Variants in TAB2 observed in about 807,000 individuals in gnomAD.
TAB2 encodes the protein TGF-beta-activated kinase 1 and MAP3K7-binding protein 2.
In TAB2, 3 loss-of-function variants were observed where a neutral mutation model predicts 65.0. That is an observed-to-expected ratio of 0.05 (90% CI 0.02 to 0.12). The LOEUF is 0.12. TAB2 is among the 10% of genes least tolerant of loss of function. The pLI is 1.00. For missense variants in TAB2, 623 were observed against 840.3 expected (o/e 0.74, Z 3.20); for synonymous variants, 298 against 285.1 (o/e 1.05, Z -0.46).
At chr6:149,288,789 A>G (rs1361389534) in intron 1 of TAB2, among the ~76,000 whole-genome samples, 1 of 151,928 alleles carries the variant, frequency 6.6e-6, no homozygotes, top group Non-Finnish European at 1.5e-5. Flanking sequence ...TTTTAAGGCA[A>G]TGGGTTCCCT....
In TAB2 at chr6:149,369,589, A is replaced by C. The variant is rs565825; in HGVS notation, c.-89-320A>C. 0.12 allele frequency among the ~76,000 whole-genome samples: 18,543 copies of C among 152,258 alleles called. 1,737 individuals carry two copies. Among genetic ancestry groups the C allele is most frequent in the East Asian group, 0.51 (2,655 of 5,182 alleles). On this transcript the variant is annotated intron_variant, in intron 1 of 6. Coordinates refer to ENST00000637181, the MANE Select transcript of TAB2 (RefSeq NM_001292034.3). ...CCTTGGGATAATCATTAAGAAAAAA[A>C]TCAGTGATACTATTTCTTCTCCCTT...
At chr6:149,232,470 G>A (rs533962247) in intron 1 of TAB2, among the ~76,000 whole-genome samples, 2 of 152,196 alleles carry the variant, frequency 1.3e-5, no homozygotes, top group East Asian at 1.9e-4. Context: ...CAAGTGTTCC[G>A]CCTGCCTCGG....
rs576762437 is a variant in TAB2, at chr6:149,354,152, G to A, written c.-89-15757G>A. Reference sequence around the variant, plus strand: ...GGTCCCAGCTTCTGCTATCCAAAGTGTAATCATGCCCTTTGAACACAAACA... The same window carrying A: ...GGTCCCAGCTTCTGCTATCCAAAGTATAATCATGCCCTTTGAACACAAACA... On this transcript the variant is annotated intron_variant, in intron 1 of 6. Transcript: ENST00000637181. Among the ~76,000 whole-genome samples the A allele has an allele frequency of 1.8e-4, 28 of 152,268 alleles. 1 individual carries two copies. In the South Asian group the frequency reaches 5.6e-3, roughly 30 times the overall value.
chr6:149,320,497 C>T (rs959181763), intron 1 of TAB2, among the ~76,000 whole-genome samples: 1 of 119,490 alleles, frequency 8.4e-6, no homozygotes, highest in Non-Finnish European at 2.0e-5. Flanking sequence ...ATTCTACATC[C>T]GTAATTTTCC....
chr6:149,380,006 A>G (rs976711736), intron 3 of TAB2: 7 of 448,018 alleles, frequency 1.6e-5, no homozygotes, highest in Middle Eastern at 4.0e-4. Context: ...TTGGGAGGCC[A>G]AGATGGGAGG....
intron 6 of TAB2, among the ~76,000 whole-genome samples, chr6:149,406,688 C>CT (rs1782675544): frequency 6.6e-6 from 1 of 152,058 alleles, no homozygotes; most frequent in Non-Finnish European, 1.5e-5. Context: ...TTTTTGTACT[C>CT]TACTTCATTT....
At chr6:149,236,733 A>G (rs1777502685) in intron 1 of TAB2, among the ~76,000 whole-genome samples, 2 of 152,328 alleles carry the variant, frequency 1.3e-5, no homozygotes, top group South Asian at 4.1e-4. Flanking sequence ...GCAATGCTGC[A>G]TATGTTGGCT....
At chr6:149,284,612 A>T (rs180814242) in intron 1 of TAB2, among the ~76,000 whole-genome samples, 53 of 150,966 alleles carry the variant, frequency 3.5e-4, no homozygotes, top group African/African-American at 1.2e-3. Context: ...TTTCACTCTG[A>T]GTAAATTCAT....
At chr6:149,240,590 A>G (rs758421989) in intron 1 of TAB2, among the ~76,000 whole-genome samples, 1 of 152,198 alleles carries the variant, frequency 6.6e-6, no homozygotes, top group Non-Finnish European at 1.5e-5. Context: ...GATAGTGATA[A>G]CATCTTAGGC....
rs551619422 is a variant in TAB2, at chr6:149,307,132, A to AT, written c.-120-70886_-120-70885insT. On this transcript the variant is annotated intron_variant, in intron 1 of 1. Transcript: ENST00000606202. Reference sequence around the variant, plus strand: ...CTGTTCATGGATGGGTAGTGTTGTGAGTCATAGAACAATTCCGTTGCAAAT... The same window carrying AT: ...CTGTTCATGGATGGGTAGTGTTGTGATGTCATAGAACAATTCCGTTGCAAAT... Among the ~76,000 whole-genome samples, 71 of 152,236 alleles carry AT rather than the reference A, an allele frequency of 4.7e-4. No homozygotes were observed. In the South Asian group the frequency reaches 0.013, roughly 28 times the overall value.
chr6:149,355,178 A>G (rs933954330), intron 1 of TAB2, among the ~76,000 whole-genome samples: 3 of 152,148 alleles, frequency 2.0e-5, no homozygotes, highest in Admixed American at 2.0e-4. Context: ...AATTTTCCCC[A>G]GTGAAAATTA....
chr6:149,383,427 A>G (rs570161075), intron 3 of TAB2, among the ~76,000 whole-genome samples: 5 of 152,314 alleles, frequency 3.3e-5, no homozygotes, highest in African/African-American at 9.6e-5. Context: ...ACATACCTAC[A>G]TACATACAGA....
intron 6 of TAB2, among the ~76,000 whole-genome samples, chr6:149,404,744 C>T (rs1782605927): frequency 6.6e-6 from 1 of 152,104 alleles, no homozygotes; most frequent in Admixed American, 6.5e-5. Context: ...CATTACTTCA[C>T]ACTGTATACA....
At chr6:149,312,656 C>T (rs1251177972) in intron 1 of TAB2, among the ~76,000 whole-genome samples, 1 of 152,188 alleles carries the variant, frequency 6.6e-6, no homozygotes, top group Non-Finnish European at 1.5e-5. Context: ...AGCCACTGTG[C>T]CCTGCCTCCA....
At chr6:149,287,318 A>C (rs1432316557) in intron 1 of TAB2, among the ~76,000 whole-genome samples, 1 of 152,222 alleles carries the variant, frequency 6.6e-6, no homozygotes, top group Non-Finnish European at 1.5e-5. Context: ...GAGAAACAAT[A>C]AGCACTGTTT....
chr6:149,252,260 C>A (rs778202737), intron 1 of TAB2, among the ~76,000 whole-genome samples: 1 of 152,042 alleles, frequency 6.6e-6, no homozygotes, highest in Admixed American at 6.6e-5. Context: ...ACAAAATTAG[C>A]CAGGCATAGT....
At chr6:149,407,767 A>G (rs1301994880) in intron 6 of TAB2, among the ~76,000 whole-genome samples, 2 of 151,406 alleles carry the variant, frequency 1.3e-5, no homozygotes, top group African/African-American at 4.8e-5. Context: ...GTTTCCGAAC[A>G]CCTCTAATTA....
intron 1 of TAB2, among the ~76,000 whole-genome samples, chr6:149,334,753 A>G (rs1779884388): frequency 1.3e-5 from 2 of 152,136 alleles, no homozygotes; most frequent in Admixed American, 1.3e-4. Flanking sequence ...GATTGCCCAG[A>G]TAACACATAC....
At chr6:149,308,610 C>A (rs977143781) in intron 1 of TAB2, among the ~76,000 whole-genome samples, 1 of 152,022 alleles carries the variant, frequency 6.6e-6, no homozygotes, top group Non-Finnish European at 1.5e-5. Context: ...CTCACCGTAA[C>A]CTCCGCCTCC....
Sources: allele counts gnomAD v4.1 joint callset (sites outside exome capture counted in the v4.1 genomes callset), GRCh38; gene constraint gnomAD v4.1.1; transcripts MANE v1.5; gene names NCBI Gene and HGNC (gene_info 2026-07-23, HGNC 2026-07-21).